The following OVCH1 variants were observed in gnomAD, a reference collection of about 807,000 sequenced individuals.
The protein encoded by OVCH1 is ovochymase 1, also known as ovochymase-1.
A neutral mutation model predicts 138.4 loss-of-function variants in OVCH1; 139 were observed. The observed-to-expected ratio is 1.00, with a 90% CI of 0.87 to 1.16. The LOEUF is 1.16. Ranked by LOEUF, OVCH1 falls within the 50% of genes most tolerant of loss-of-function variation. The pLI is 0.00. For missense variants in OVCH1, 1,367 were observed against 1,357.9 expected, an observed-to-expected ratio of 1.01 and a Z score of -0.11; for synonymous variants, 453 against 467.8, an observed-to-expected ratio of 0.97 and a Z score of 0.41.
At chr12:29,407,593 G>A (rs1180803246), downstream of OVCH1, among the ~76,000 whole-genome samples, 1 of 151,368 alleles carries the variant, frequency 6.6e-6, no homozygotes, top group Non-Finnish European at 1.5e-5. Context: ...TTTTTGTCAG[G>A]TTTGTCAAAG....
chr12:29,466,673 G>A lies in OVCH1; in HGVS notation c.1857-1454C>T, dbSNP rs141431005. ...ATTTTGTTTCTTGATCTGGGTGTTG[G>A]TTACATGGGTGTTCATTTTGTGAAA... On this transcript the variant is annotated intron_variant, in intron 16 of 27. Coordinates refer to ENST00000318184, the Ensembl canonical transcript of OVCH1. Among the ~76,000 whole-genome samples, 222 of 152,236 alleles carry A rather than the reference G, an allele frequency of 1.5e-3. 1 individual carries two copies. Among genetic ancestry groups the A allele is most frequent in the African/African-American group, 5.2e-3 (217 of 41,548 alleles).
intron 26 of OVCH1, among the ~76,000 whole-genome samples, chr12:29,438,883 C>T (rs1055561113): frequency 1.3e-5 from 2 of 152,080 alleles, no homozygotes; most frequent in African/African-American, 4.8e-5. Context: ...TTGGTTCTGT[C>T]AAATGTTCAT....
At chr12:29,478,184 T>C (rs1285688278) in intron 9 of OVCH1, among the ~76,000 whole-genome samples, 1 of 152,172 alleles carries the variant, frequency 6.6e-6, no homozygotes, top group East Asian at 1.9e-4. Flanking sequence ...ATGTAGCTTA[T>C]AAGAGGTATT....
chr12:29,481,230 A>C (rs1465233941), intron 8 of OVCH1, among the ~76,000 whole-genome samples: 6 of 152,098 alleles, frequency 3.9e-5, no homozygotes, highest in Non-Finnish European at 7.4e-5. Context: ...GTGGGTTTAC[A>C]CTTTGTTTAG....
At chr12:29,409,672 A>G (rs1044396298), downstream of OVCH1, among the ~76,000 whole-genome samples, 52 of 152,178 alleles carry the variant, frequency 3.4e-4, no homozygotes, top group African/African-American at 1.2e-3. Context: ...GGTCTGAGAG[A>G]GAGTTTGTTA....
chr12:29,481,410 C>A (rs2196490), intron 8 of OVCH1, among the ~76,000 whole-genome samples: 1 of 152,076 alleles, frequency 6.6e-6, no homozygotes, highest in Non-Finnish European at 1.5e-5. Flanking sequence ...TACTGAAAGT[C>A]TTATTAATCT....
intron 4 of OVCH1, among the ~76,000 whole-genome samples, chr12:29,494,022 G>A (rs76519541): frequency 6.6e-6 from 1 of 152,298 alleles, no homozygotes; most frequent in East Asian, 1.9e-4. Context: ...GTGCCACACA[G>A]GTGATGTCAA....
At chr12:29,433,635 T>C (rs1404622147) in intron 27 of OVCH1, 1 of 1,131,206 alleles carries the variant, frequency 8.8e-7, no homozygotes, top group African/African-American at 1.6e-5. Flanking sequence ...TCAATCTTCA[T>C]TTCTTTGAAT....
intron 4 of OVCH1, among the ~76,000 whole-genome samples, chr12:29,491,840 T>C (rs922135091): frequency 1.3e-5 from 2 of 152,194 alleles, no homozygotes; most frequent in African/African-American, 4.8e-5. Context: ...AAATGGAATG[T>C]TCTTGATTTC....
chr12:29,407,828 T>C (rs1490567855), downstream of OVCH1, among the ~76,000 whole-genome samples: 13 of 151,398 alleles, frequency 8.6e-5, no homozygotes, highest in South Asian at 2.7e-3. Context: ...AAGTAGTTTT[T>C]TCCAATTCTG....
chr12:29,483,954 G>A (rs538307134), intron 8 of OVCH1, among the ~76,000 whole-genome samples: 1 of 152,098 alleles, frequency 6.6e-6, no homozygotes, highest in Admixed American at 6.5e-5. Context: ...GCACTTTCTT[G>A]GATGGTATGG....
intron 8 of OVCH1, among the ~76,000 whole-genome samples, chr12:29,481,852 A>G (rs1166942670): frequency 1.3e-5 from 2 of 152,184 alleles, no homozygotes; most frequent in Non-Finnish European, 2.9e-5. Flanking sequence ...GGTTACTCAT[A>G]TGGGGATCTC....
At chr12:29,446,235 T>G (rs1592047670) in intron 22 of OVCH1, among the ~76,000 whole-genome samples, 1 of 152,050 alleles carries the variant, frequency 6.6e-6, no homozygotes, top group Non-Finnish European at 1.5e-5. Context: ...TGGTCCATAG[T>G]AGGTTCTTCA....
downstream of OVCH1, among the ~76,000 whole-genome samples, chr12:29,424,165 T>G (rs1941145999): frequency 6.6e-6 from 1 of 152,216 alleles, no homozygotes; most frequent in Non-Finnish European, 1.5e-5. Flanking sequence ...GATTATAGAT[T>G]AACTAAAAGT....
intron 25 of OVCH1, among the ~76,000 whole-genome samples, chr12:29,442,428 C>G (rs1941509704): frequency 8.0e-6 from 1 of 125,592 alleles, no homozygotes; most frequent in South Asian, 2.6e-4. Context: ...ACAATGAGAA[C>G]ACATGGACAC....
chr12:29,482,638 T>C (rs902851473), intron 8 of OVCH1, among the ~76,000 whole-genome samples: 1 of 152,224 alleles, frequency 6.6e-6, no homozygotes, highest in South Asian at 2.1e-4. Context: ...TACTAAATTT[T>C]CAACAGTCAC....
At chr12:29,489,582 A>G (rs1943216930) in intron 6 of OVCH1, 38 bp downstream of exon 6, 9 of 1,556,948 alleles carry the variant, frequency 5.8e-6, no homozygotes, top group African/African-American at 1.4e-5. Context: ...TTTCACCCAC[A>G]TGTTACTGAA....
At chr12:29,486,301 T>A in exon 8 of OVCH1, 1 of 1,613,876 alleles carries the variant, frequency 6.2e-7, no homozygotes, top group African/African-American at 1.3e-5. Flanking sequence ...AGGGCCTTTG[T>A]TATATACCTT....
At chr12:29,490,490 A>G (rs1943245197) in intron 5 of OVCH1, among the ~76,000 whole-genome samples, 3 of 152,216 alleles carry the variant, frequency 2.0e-5, no homozygotes, top group South Asian at 4.1e-4. Context: ...GTTTTAATAT[A>G]TGTATACATT....
Sources: allele counts gnomAD v4.1 joint callset (sites outside exome capture counted in the v4.1 genomes callset), GRCh38; gene constraint gnomAD v4.1.1; transcripts MANE v1.5; gene names NCBI Gene and HGNC (gene_info 2026-07-23, HGNC 2026-07-21).